Variants in TBX21 observed in about 807,000 individuals in gnomAD.
The protein encoded by TBX21 is T-box transcription factor 21, also known as T-box transcription factor TBX21.
TBX21 carries 11 observed loss-of-function variants against 52.2 expected under a neutral mutation model. The ratio of observed to expected loss-of-function variants is 0.21; its 90% confidence interval spans 0.13 to 0.35. The LOEUF (loss-of-function observed/expected upper bound fraction) is 0.35, where lower values mean the gene tolerates loss of function less well. Among genes scored for constraint, TBX21 ranks in the 10% least tolerant of loss-of-function variants. The pLI is 1.00. For synonymous variants in TBX21, 300 were observed against 316.1 expected (o/e 0.95, Z 0.54); for missense variants, 625 against 755.1 (o/e 0.83, Z 2.02).
At position 47,733,826 on chromosome 17, in the gene TBX21, C is replaced by T. The variant is rs769891348; in HGVS notation, c.372C>T (p.Asp124=). Residue 124 remains aspartate, a synonymous_variant, in exon 1 of 6, where the codon GAC becomes GAT. Transcript: ENST00000177694. This position sits in a 1 kb window ranked among gnomAD's most constrained non-coding sequence, Gnocchi z 6.6. ...RAGLYPGPRE[D]YALPAGLEVS... is the part of the protein sequence containing the mutation. ...GGCTCTACCCGGGGCCGCGTGAGGA[C>T]TACGCGCTACCCGCGGGACTGGAGG... The T allele has an allele frequency of 4.4e-6, 7 of 1,605,628 alleles. No homozygotes were observed. The highest frequency in any genetic ancestry group is 5.9e-6 in the Non-Finnish European group (7 of 1,176,944).
intron 1 of TBX21, among the ~76,000 whole-genome samples, chr17:47,734,554 G>GGTGTGTGTGTGTGTGTGT (rs55690005): frequency 1.4e-4 from 14 of 102,978 alleles, no homozygotes; most frequent in East Asian, 3.0e-4. Flanking sequence ...TCATATGTCT[G>GGTGTGTGTGTGTGTGTGT]GTGTGTGTGT....
At chr17:47,738,856 C>T (rs1467079915) in intron 1 of TBX21, among the ~76,000 whole-genome samples, 2 of 152,238 alleles carry the variant, frequency 1.3e-5, no homozygotes, top group African/African-American at 4.8e-5. Flanking sequence ...CTGCCTCGGC[C>T]TCCCAAAGTG....
Position 47,733,472 on chromosome 17 carries a change from G to A in TBX21, c.18G>A (p.Pro6=), listed in dbSNP as rs1211183200. The change falls in exon 1 of 6, where the codon CCG becomes CCA. Residue 6 remains proline (P), a synonymous_variant. Coordinates refer to ENST00000177694, the MANE Select transcript of TBX21 (RefSeq NM_013351.2). This position sits in a 1 kb window ranked among gnomAD's most constrained non-coding sequence, Gnocchi z 6.6. MGIVE[P]GCGDMLTGTE... ...CGCCCCGGATGGGCATCGTGGAGCC[G>A]GGTTGCGGAGACATGCTGACGGGCA... 2 of 1,490,932 alleles carry A rather than the reference G, an allele frequency of 1.3e-6. No individual in the cohort carries two copies. The highest frequency in any genetic ancestry group is 2.3e-5 in the Admixed American group (1 of 44,052). 92.4% of individuals were successfully genotyped at this position (1,490,932 alleles called of 1,614,324 possible). A position where few individuals can be genotyped will look rare whatever the true frequency, so the allele number is the denominator to read the frequency against.
At chr17:47,743,326 T>C in intron 3 of TBX21, 134 bp downstream of exon 3, 1 of 1,262,320 alleles carries the variant, frequency 7.9e-7, no homozygotes. Flanking sequence ...AGGTTCGTTT[T>C]TCTTCTGTCC....
At position 47,733,337 on chromosome 17, in the gene TBX21, C is replaced by T. The variant is rs978487726; in HGVS notation, c.-118C>T. The T allele has an allele frequency of 5.4e-6, 7 of 1,308,322 alleles. No homozygotes were observed. Among genetic ancestry groups the T allele is most frequent in the Admixed American group, 4.2e-5 (1 of 23,894 alleles). The allele number at this position is 1,308,322 out of a possible 1,614,324, so 81.0% of individuals were successfully genotyped here. On this transcript the variant is annotated 5_prime_UTR_variant, in exon 1 of 6. Transcript: ENST00000177694. This position sits in a 1 kb window ranked among gnomAD's most constrained non-coding sequence, Gnocchi z 6.6. ...CAGAGCCCGGGCTCCGGTGGGGTCC[C>T]CCACCCGGCCCTCGGGTCCCCCGCC...
chr17:47,743,501 G>A (rs1369676082), intron 3 of TBX21, among the ~76,000 whole-genome samples: 1 of 152,180 alleles, frequency 6.6e-6, no homozygotes, highest in Non-Finnish European at 1.5e-5. Context: ...GGTTGCCATT[G>A]CTCCGGCACC....
Position 47,733,773 on chromosome 17 carries a change from G to C in TBX21, c.319G>C (p.Gly107Arg), listed in dbSNP as rs1413119847. 6.5e-7 allele frequency: 1 copy of C among 1,534,864 alleles called. No individual in the cohort carries two copies. Among genetic ancestry groups the C allele is most frequent in the African/African-American group, 1.4e-5 (1 of 71,162 alleles). ...CGCCGAGGGCTACCAGCCGGGCGAGGGCTACGCCGCCCCGGACCCGCGCGC... is the reference window on the plus strand; with the variant it reads ...CGCCGAGGGCTACCAGCCGGGCGAGCGCTACGCCGCCCCGGACCCGCGCGC... ...ADAEGYQPGE[G>R]YAAPDPRAGL... The change falls in exon 1 of 6, where the codon GGC becomes CGC. Residue 107 changes from glycine (G) to arginine (R), a missense_variant. Transcript: ENST00000177694. This position sits in a 1 kb window ranked among gnomAD's most constrained non-coding sequence, Gnocchi z 6.6.
At chr17:47,743,240 G>A in intron 3 of TBX21, 48 bp downstream of exon 3, 2 of 1,605,232 alleles carry the variant, frequency 1.2e-6, no homozygotes, top group Non-Finnish European at 1.7e-6. Flanking sequence ...CCCCACCCTG[G>A]GTCTGAGACC....
At position 47,733,576 on chromosome 17, in the gene TBX21, G is replaced by T. The variant is rs2032165953; in HGVS notation, c.122G>T (p.Gly41Val). Residue 41 changes from glycine (G) to valine (V), a missense_variant, in exon 1 of 6, where the codon GGC becomes GTC. By Grantham distance (109) the Gly-to-Val change is moderately radical (BLOSUM62 -3). Around this residue, in one of 4 missense-constraint regions of TBX21, gnomAD observed 221 missense variants for 204.9 expected, o/e 1.08. Transcript: ENST00000177694. The surrounding 1 kb of genome is among the most constrained non-coding windows in gnomAD (Gnocchi z 6.6). ...PQHRYFYPEP[G>V]AQDADERRGG... Reference sequence around the variant, plus strand: ...CACCGCTACTTCTACCCGGAGCCGGGCGCGCAGGACGCGGACGAGCGTCGC... The same window carrying T: ...CACCGCTACTTCTACCCGGAGCCGGTCGCGCAGGACGCGGACGAGCGTCGC... 4.8e-6 allele frequency: 7 copies of T among 1,470,214 alleles called. No homozygotes were observed. The African/African-American group carries it at 5.9e-5, about 12-fold the overall frequency. 91.1% of individuals were successfully genotyped at this position (1,470,214 alleles called of 1,614,324 possible). A position where few individuals can be genotyped will look rare whatever the true frequency, so the allele number is the denominator to read the frequency against.
chr17:47,745,423 T>A lies in TBX21; in HGVS notation c.*57T>A. The A allele has an allele frequency of 1.3e-6, 2 of 1,522,536 alleles. No individual in the cohort carries two copies. Among genetic ancestry groups the A allele is most frequent in the Non-Finnish European group, 1.8e-6 (2 of 1,139,054 alleles). The allele number at this position is 1,522,536 out of a possible 1,614,324, so 94.3% of individuals were successfully genotyped here. A position where few individuals can be genotyped will look rare whatever the true frequency, so the allele number is the denominator to read the frequency against. On this transcript the variant is annotated 3_prime_UTR_variant, in exon 6 of 6. Coordinates refer to ENST00000177694, the MANE Select transcript of TBX21 (RefSeq NM_013351.2). ...TGTTATTAGGTTGGAGGACACCGAC[T>A]AATTTGGGAAACGGATGAAGGACTG...
intron 3 of TBX21, 149 bp downstream of exon 3, chr17:47,743,341 C>G (rs11657388): frequency 0.21 from 234,857 of 1,104,184 alleles, 27,250 homozygotes; most frequent in Middle Eastern, 0.27. Flanking sequence ...CTGTCCTAAA[C>G]GAAGGGTCAT....
In TBX21 at chr17:47,733,631, G is replaced by T. The variant is rs1484163914; in HGVS notation, c.177G>T (p.Pro59=). ...RGGGSLGSPY[P]GGALVPAPPS... is the part of the protein sequence containing the mutation. ...GCGGCAGCCTGGGGTCTCCCTACCC[G>T]GGGGGCGCCTTGGTGCCCGCCCCGC... Residue 59 remains proline, a synonymous_variant, in exon 1 of 6, where the codon CCG becomes CCT. Coordinates refer to ENST00000177694, the MANE Select transcript of TBX21 (RefSeq NM_013351.2). The surrounding 1 kb of genome is among the most constrained non-coding windows in gnomAD (Gnocchi z 6.6). 3.5e-6 allele frequency: 5 copies of T among 1,448,766 alleles called. No individual in the cohort carries two copies. The highest frequency in any genetic ancestry group is 4.5e-6 in the Non-Finnish European group (5 of 1,106,136). The allele number at this position is 1,448,766 out of a possible 1,614,324, so 89.7% of individuals were successfully genotyped here. A position where few individuals can be genotyped will look rare whatever the true frequency, so the allele number is the denominator to read the frequency against.
Position 47,733,396 on chromosome 17 carries a change from C to G in TBX21, c.-59C>G. The stretch of plus-strand genomic sequence containing the variant: ...CCTGCCCATCCCAGCCCACGCGACC[C>G]TCTCGCGCGCGGAGGGGCGGGTCCT... On this transcript the variant is annotated 5_prime_UTR_variant, in exon 1 of 6. Transcript: ENST00000177694. This position sits in a 1 kb window ranked among gnomAD's most constrained non-coding sequence, Gnocchi z 6.6. 1.4e-6 allele frequency: 2 copies of G among 1,423,096 alleles called. No individual in the cohort carries two copies. Among genetic ancestry groups the G allele is most frequent in the South Asian group, 1.4e-5 (1 of 70,312 alleles). The allele number at this position is 1,423,096 out of a possible 1,614,324, so 88.2% of individuals were successfully genotyped here. A position where few individuals can be genotyped will look rare whatever the true frequency, so the allele number is the denominator to read the frequency against.
At chr17:47,734,931 G>A (rs775157651) in intron 1 of TBX21, among the ~76,000 whole-genome samples, 2 of 152,024 alleles carry the variant, frequency 1.3e-5, no homozygotes, top group Non-Finnish European at 2.9e-5. Flanking sequence ...AGCCTCCTGC[G>A]CAAGGAAAGA....
chr17:47,743,325 T>G, intron 3 of TBX21, 133 bp downstream of exon 3: 1 of 1,271,924 alleles, frequency 7.9e-7, no homozygotes, highest in Non-Finnish European at 1.1e-6. Flanking sequence ...AAGGTTCGTT[T>G]TTCTTCTGTC....
At position 47,733,720 on chromosome 17, in the gene TBX21, C is replaced by T. The variant is rs1313741613; in HGVS notation, c.266C>T (p.Ala89Val). The change falls in exon 1 of 6, where the codon GCG (alanine) becomes GTG (valine). Residue 89 changes from alanine (A) to valine (V), a missense_variant. Coordinates refer to ENST00000177694, the MANE Select transcript of TBX21 (RefSeq NM_013351.2). The surrounding 1 kb of genome is among the most constrained non-coding windows in gnomAD (Gnocchi z 6.6). ...PRPQAAGFPG[A>V]GESFPPPADA... ...CCCCAGGCGGCCGGCTTCCCCGGCG[C>T]GGGCGAGTCCTTCCCGCCGCCCGCG... is the stretch of plus-strand genomic sequence containing the variant. 2.8e-6 allele frequency: 4 copies of T among 1,416,212 alleles called. No homozygotes were observed. In the African/African-American group the frequency reaches 4.5e-5, roughly 16 times the overall value. 87.7% of individuals were successfully genotyped at this position (1,416,212 alleles called of 1,614,324 possible). A position where few individuals can be genotyped will look rare whatever the true frequency, so the allele number is the denominator to read the frequency against.
Position 47,744,738 on chromosome 17 carries a change from T to A in TBX21, c.990-10T>A. The A allele has an allele frequency of 6.2e-7, 1 of 1,604,692 alleles. No homozygotes were observed. The highest frequency in any genetic ancestry group is 1.7e-4 in the Middle Eastern group (1 of 6,016). On this transcript the variant is annotated splice_polypyrimidine_tract_variant and intron_variant, in intron 5 of 5. Transcript: ENST00000177694. The stretch of plus-strand genomic sequence containing the variant: ...TGTGACCCGTTTTCTTGCCTTCTAT[T>A]TTTTTCTAGCATGTACACATCTGTT...
rs752326767 is a variant in TBX21, at chr17:47,744,296, T to C, written c.870T>C (p.His290=). The change falls in exon 4 of 6, where the codon CAT becomes CAC. Residue 290 remains histidine (H), a synonymous_variant. Coordinates refer to ENST00000177694, the MANE Select transcript of TBX21 (RefSeq NM_013351.2). ...CAGCCTGCAACGCTTCCAACACGCA[T>C]ATCTTTACTTTCCAAGAAACCCAGT... ...PEAACNASNT[H]IFTFQETQFI... The C allele has an allele frequency of 1.7e-5, 28 of 1,614,080 alleles. No individual in the cohort carries two copies. The highest frequency in any genetic ancestry group is 2.4e-5 in the Non-Finnish European group (28 of 1,180,040).
At position 47,733,414 on chromosome 17, in the gene TBX21, C is replaced by G. The variant is rs527781371; in HGVS notation, c.-41C>G. 1.4e-6 allele frequency: 2 copies of G among 1,445,860 alleles called. No individual in the cohort carries two copies. Among genetic ancestry groups the G allele is most frequent in the South Asian group, 2.7e-5 (2 of 73,946 alleles). The allele number at this position is 1,445,860 out of a possible 1,614,324, so 89.6% of individuals were successfully genotyped here. A position where few individuals can be genotyped will look rare whatever the true frequency, so the allele number is the denominator to read the frequency against. ...CGCGACCCTCTCGCGCGCGGAGGGGCGGGTCCTCGACGGCTACGGGAAGGT... is the reference window on the plus strand; with the variant it reads ...CGCGACCCTCTCGCGCGCGGAGGGGGGGGTCCTCGACGGCTACGGGAAGGT... On this transcript the variant is annotated 5_prime_UTR_variant, in exon 1 of 6. Coordinates refer to ENST00000177694, the MANE Select transcript of TBX21 (RefSeq NM_013351.2). This position sits in a 1 kb window ranked among gnomAD's most constrained non-coding sequence, Gnocchi z 6.6.
Sources: gnomAD v4.1 joint callset for allele counts (sites outside exome capture counted in the v4.1 genomes callset) on GRCh38, gnomAD v4.1.1 for gene constraint, gnomAD v4.1.1 regional missense constraint, Gnocchi (gnomAD v3.1) non-coding constraint, MANE v1.5 for transcripts, NCBI Gene and HGNC (gene_info 2026-07-23, HGNC 2026-07-21) for gene names.